The following PRDM15 variants were observed in gnomAD, a reference collection of about 807,000 sequenced individuals.
PRDM15 encodes PR/SET domain 15.
A neutral mutation model predicts 128.6 loss-of-function variants in PRDM15; 64 were observed. The observed-to-expected ratio is 0.50, with a 90% CI of 0.41 to 0.61. The LOEUF is 0.61. Among genes scored for constraint, PRDM15 ranks in the 20% least tolerant of loss-of-function variants. The pLI, the probability that PRDM15 is intolerant of heterozygous loss-of-function variation, is 0.00. For missense variants in PRDM15, 1,242 were observed against 1,569.1 expected, an observed-to-expected ratio of 0.79 and a Z score of 3.52; for synonymous variants, 615 against 621.8, an observed-to-expected ratio of 0.99 and a Z score of 0.16.
chr21:41,829,812 A>C (rs982443150), intron 11 of PRDM15, among the ~76,000 whole-genome samples: 1 of 151,154 alleles, frequency 6.6e-6, no homozygotes, highest in Non-Finnish European at 1.5e-5. Context: ...AACATACACC[A>C]CACACACCCC....
chr21:41,851,824 T>G (rs1035924125), intron 5 of PRDM15, among the ~76,000 whole-genome samples: 1 of 152,158 alleles, frequency 6.6e-6, no homozygotes, highest in African/African-American at 2.4e-5. Flanking sequence ...TGCTTGCCAT[T>G]TGTCCCCAAA....
At chr21:41,823,130 C>G (rs1006854276) in intron 14 of PRDM15, 188 bp downstream of exon 14, 2 of 742,354 alleles carry the variant, frequency 2.7e-6, no homozygotes, top group South Asian at 1.5e-5. Context: ...GTCTACGAAC[C>G]AGGAAGTGAG....
Position 41,820,105 on chromosome 21 carries a change from G to A in PRDM15, c.2130C>T (p.Leu710=). The change falls in exon 17 of 24, where the codon CTC becomes CTT. Residue 710 remains leucine, a synonymous_variant. Coordinates refer to ENST00000398548, the MANE Select transcript of PRDM15 (RefSeq NM_001040424.3). ...CTGACAGACACGCACCTGTGTGGAT[G>A]AGCTTGTGGCGCTCCAGGTTCCCGA... The part of the protein sequence containing the change: ...NSIGNLERHK[L]IHTGVKSHAC... The A allele has an allele frequency of 6.2e-7, 1 of 1,613,710 alleles. No homozygotes were observed. Among genetic ancestry groups the A allele is most frequent in the Non-Finnish European group, 8.5e-7 (1 of 1,179,772 alleles).
chr21:41,879,145 C>G lies in PRDM15; in HGVS notation c.-10+125G>C, dbSNP rs1193497834. 4.3e-6 allele frequency: 4 copies of G among 940,920 alleles called. No individual in the cohort carries two copies. The African/African-American group carries it at 5.8e-5, about 14-fold the overall frequency. The allele number at this position is 940,920 out of a possible 1,614,324, so 58.3% of individuals were successfully genotyped here. On this transcript the variant is annotated intron_variant, in intron 1 of 23. Coordinates refer to ENST00000398548, the MANE Select transcript of PRDM15 (RefSeq NM_001040424.3). The surrounding 1 kb of genome is among the most constrained non-coding windows in gnomAD (Gnocchi z 5.1). ...CTGGACCGGGGCGGCGCGCGGCTGC[C>G]GGGCGCGGGGGGCGGGGGGCAGCGG...
Position 41,827,607 on chromosome 21 carries a change from G to A in PRDM15, c.1534+559C>T, listed in dbSNP as rs2062515311. 2.0e-5 allele frequency among the ~76,000 whole-genome samples: 3 copies of A among 152,218 alleles called. No individual in the cohort carries two copies. In the South Asian group the frequency reaches 6.2e-4, roughly 31 times the overall value. ...TCCTCCAGCTGCAGCCTCTCAAAGT[G>A]CTGGGATTCCAGGCGTGAGCCACCA... On this transcript the variant is annotated intron_variant, in intron 12 of 23. Transcript: ENST00000398548.
In PRDM15 at chr21:41,810,288, C is replaced by T. The variant is rs2061821943; in HGVS notation, c.2518G>A (p.Val840Met). The T allele has an allele frequency of 1.9e-6, 3 of 1,613,506 alleles. No individual in the cohort carries two copies. The highest frequency in any genetic ancestry group is 1.1e-5 in the South Asian group (1 of 90,986). ...WTCSVCDKKY[V>M]TEYMLQKHVQ... The stretch of plus-strand genomic sequence containing the variant: ...TGCTTCTGCAGCATGTACTCGGTCA[C>T]GTACTTCTTGTCGCACACGGAGCAC... The change falls in exon 21 of 24, where the codon GTG becomes ATG. Residue 840 changes from valine (V) to methionine (M), a missense_variant. By Grantham distance (21) the Val-to-Met change is conservative. Transcript: ENST00000398548. This position sits in a 1 kb window ranked among gnomAD's most constrained non-coding sequence, Gnocchi z 6.4.
intron 5 of PRDM15, among the ~76,000 whole-genome samples, chr21:41,850,176 C>T (rs969582781): frequency 2.6e-5 from 4 of 152,132 alleles, no homozygotes; most frequent in Non-Finnish European, 4.4e-5. Flanking sequence ...CATTCGTCCA[C>T]GATCTTGTGG....
At position 41,821,878 on chromosome 21, in the gene PRDM15, G is replaced by C. The variant is rs1335943783; in HGVS notation, c.1896+25C>G. On this transcript the variant is annotated intron_variant, in intron 15 of 23. Transcript: ENST00000398548. This position sits in a 1 kb window ranked among gnomAD's most constrained non-coding sequence, Gnocchi z 5.4. ...CCACCTTCCTCTCCAGACCACCCAGGCACCGCGGGGCAAACCCGCCATACC... is the reference window on the plus strand; with the variant it reads ...CCACCTTCCTCTCCAGACCACCCAGCCACCGCGGGGCAAACCCGCCATACC... The C allele has an allele frequency of 1.5e-5, 24 of 1,612,564 alleles. No homozygotes were observed. Among genetic ancestry groups the C allele is most frequent in the Non-Finnish European group, 1.9e-5 (23 of 1,179,924 alleles).
At chr21:41,860,467 A>G (rs2063776863) in intron 1 of PRDM15, 95 bp from the exon 2 acceptor site, 5 of 1,062,134 alleles carry the variant, frequency 4.7e-6, no homozygotes, top group Admixed American at 1.8e-5. Context: ...TGCCCAGGAT[A>G]GATAGAGTAC....
chr21:41,809,193 CTCTA>C (rs969554326), intron 21 of PRDM15, among the ~76,000 whole-genome samples: 3 of 151,578 alleles, frequency 2.0e-5, no homozygotes, highest in South Asian at 4.2e-4. Context: ...TGTTAACAGG[CTCTA>C]TCTGTCTAAC....
At chr21:41,826,352 T>C (rs1048354594) in intron 12 of PRDM15, among the ~76,000 whole-genome samples, 3 of 152,226 alleles carry the variant, frequency 2.0e-5, no homozygotes, top group African/African-American at 7.2e-5. Context: ...GAGTGCTAAA[T>C]GTTCCTAGGT....
intron 5 of PRDM15, among the ~76,000 whole-genome samples, chr21:41,850,430 T>C (rs17113601): frequency 0.046 from 6,927 of 152,054 alleles, 180 homozygotes; most frequent in Middle Eastern, 0.11. Context: ...TCAATCTTAA[T>C]GTGAGCTCAA....
intron 1 of PRDM15, among the ~76,000 whole-genome samples, chr21:41,874,523 A>ATTTTTTTT (rs879505958): frequency 1.2e-3 from 95 of 78,734 alleles, no homozygotes; most frequent in Admixed American, 1.4e-3. Flanking sequence ...ATATATATAT[A>ATTTTTTTT]TATTTTTTTT....
Position 41,860,332 on chromosome 21 carries a change from A to G in PRDM15, c.32T>C (p.Phe11Ser). 6.2e-7 allele frequency: 1 copy of G among 1,613,948 alleles called. No homozygotes were observed. Among genetic ancestry groups the G allele is most frequent in the Non-Finnish European group, 8.5e-7 (1 of 1,179,816 alleles). The change falls in exon 2 of 24, where the codon TTC (phenylalanine) becomes TCC (serine). Residue 11 changes from phenylalanine to serine, a missense_variant. By Grantham distance (155) the Phe-to-Ser change is radical. Transcript: ENST00000398548. ...CAGGTCCCTGGGTCACTTACAGATG[A>G]ACATGATCTCTTCGCTCCCATCTTC... is the stretch of plus-strand genomic sequence containing the variant. MAEDGSEEIM[F>S]IWCEDCSQYH...
At chr21:41,827,516 A>T (rs897319724) in intron 12 of PRDM15, among the ~76,000 whole-genome samples, 1 of 151,860 alleles carries the variant, frequency 6.6e-6, no homozygotes, top group African/African-American at 2.4e-5. Flanking sequence ...TGCCCAGCTA[A>T]TTTTTTGTAG....
chr21:41,836,854 TTTAGCTGCAACAGCCACAC>T, intron 8 of PRDM15: 2 of 445,006 alleles, frequency 4.5e-6, no homozygotes, highest in Non-Finnish European at 8.1e-6. Flanking sequence ...ATTAGGCAGC[TTTAGCTGCAACAGCCACAC>T]ACCTGACTCT....
rs1180054026 is a variant in PRDM15 at position 41,800,438 on chromosome 21, C to T, written c.*802G>A. 1 of 150,830 alleles carries T rather than the reference C, an allele frequency of 6.6e-6. No homozygotes were observed. Among genetic ancestry groups the T allele is most frequent in the Admixed American group, 6.6e-5 (1 of 15,106 alleles). 9.3% of individuals were successfully genotyped at this position (150,830 alleles called of 1,614,324 possible). A position where few individuals can be genotyped will look rare whatever the true frequency, so the allele number is the denominator to read the frequency against. On this transcript the variant is annotated 3_prime_UTR_variant, in exon 24 of 24. Coordinates refer to ENST00000398548, the MANE Select transcript of PRDM15 (RefSeq NM_001040424.3). Reference sequence around the variant, plus strand: ...AGTGCACATGACTTTATCATGTTAACATAAAACTAAAACACAATATTGGCC... The same window carrying T: ...AGTGCACATGACTTTATCATGTTAATATAAAACTAAAACACAATATTGGCC...
At position 41,811,048 on chromosome 21, in the gene PRDM15, C is replaced by A; in HGVS notation, c.2393-212G>T. 3.8e-6 allele frequency: 2 copies of A among 530,558 alleles called. No individual in the cohort carries two copies. The highest frequency in any genetic ancestry group is 6.8e-6 in the Non-Finnish European group (2 of 294,044). The allele number at this position is 530,558 out of a possible 1,614,324, so 32.9% of individuals were successfully genotyped here. On this transcript the variant is annotated intron_variant, in intron 19 of 23. Transcript: ENST00000398548. This position sits in a 1 kb window ranked among gnomAD's most constrained non-coding sequence, Gnocchi z 4.1. ...ATGCTTCCATAGTGACATTTCATAT[C>A]AAAAAAACATGAGATGTGGGAAAGG... is the stretch of plus-strand genomic sequence containing the variant.
intron 14 of PRDM15, 32 bp downstream of exon 14, chr21:41,823,286 A>G: frequency 6.2e-7 from 1 of 1,603,778 alleles, no homozygotes; most frequent in Non-Finnish European, 8.5e-7. Flanking sequence ...TGCCGTGAGC[A>G]TGCCTGGGTG....
Sources: gnomAD v4.1 joint callset for allele counts (sites outside exome capture counted in the v4.1 genomes callset) on GRCh38, gnomAD v4.1.1 for gene constraint, Gnocchi (gnomAD v3.1) non-coding constraint, MANE v1.5 for transcripts, NCBI Gene and HGNC (gene_info 2026-07-23, HGNC 2026-07-21) for gene names.